Variants in P4HA1 observed in about 807,000 individuals in gnomAD.
P4HA1 encodes the protein prolyl 4-hydroxylase subunit alpha 1, also known as prolyl 4-hydroxylase subunit alpha-1.
In P4HA1, 24 loss-of-function variants were observed where a neutral mutation model predicts 72.8. The ratio of observed to expected loss-of-function variants is 0.33; its 90% confidence interval spans 0.24 to 0.46. P4HA1 has a LOEUF of 0.46. P4HA1 is among the 20% of genes least tolerant of loss of function. The pLI is 1.00. For missense variants in P4HA1, 446 were observed against 640.6 expected (o/e 0.70, Z 3.28); for synonymous variants, 201 against 218.8 (o/e 0.92, Z 0.72).
chr10:73,045,666 A>AT (rs1333076952), intron 8 of P4HA1, among the ~76,000 whole-genome samples: 1 of 151,760 alleles, frequency 6.6e-6, no homozygotes, highest in African/African-American at 2.4e-5. Context: ...AATAATTTCA[A>AT]TTTTTTTTAA....
chr10:73,054,673 C>A (rs1179483425), intron 5 of P4HA1, among the ~76,000 whole-genome samples: 1 of 152,188 alleles, frequency 6.6e-6, no homozygotes, highest in African/African-American at 2.4e-5. Flanking sequence ...GAGGAACTGC[C>A]AAACTGTTTT....
intron 1 of P4HA1, among the ~76,000 whole-genome samples, chr10:73,076,554 A>C (rs184172126): frequency 6.6e-6 from 1 of 152,028 alleles, no homozygotes; most frequent in Non-Finnish European, 1.5e-5. Context: ...AGCAAAGCCC[A>C]TTAGTGTTTT....
In P4HA1 at chr10:73,096,751, G is replaced by A. The variant is rs1842178251; in HGVS notation, c.-33+15C>T. ...CCCAGTGGCCTCAGTCTCCGGGATC[G>A]AGGGAGCGTCTCACCTGGAAAGTGG... On this transcript the variant is annotated intron_variant, in intron 1 of 14. Transcript: ENST00000394890. 6.5e-6 allele frequency: 1 copy of A among 153,364 alleles called. No homozygotes were observed. The highest frequency in any genetic ancestry group is 1.5e-5 in the Non-Finnish European group (1 of 68,196). The allele number at this position is 153,364 out of a possible 1,614,324, so 9.5% of individuals were successfully genotyped here.
At position 73,022,303 on chromosome 10, in the gene P4HA1, A is replaced by C. The variant is rs1029282369; in HGVS notation, c.1249-5404T>G. On this transcript the variant is annotated intron_variant, in intron 10 of 14. Transcript: ENST00000394890. ...GGATGAAGCTTCCAGAGGAAGGATCAGGCAGCAATATTTGCTGTTCTGCAT... is the reference window on the plus strand; with the variant it reads ...GGATGAAGCTTCCAGAGGAAGGATCCGGCAGCAATATTTGCTGTTCTGCAT... Among the ~76,000 whole-genome samples, 4 of 152,308 alleles carry C rather than the reference A, an allele frequency of 2.6e-5. No homozygotes were observed. The East Asian group carries it at 7.8e-4, about 30-fold the overall frequency.
rs869107512 is a variant in P4HA1, at chr10:73,037,525, CTATATATATATATA to C, written c.1149-7169_1149-7156del. On this transcript the variant is annotated intron_variant, in intron 9 of 14. Coordinates refer to ENST00000394890, the MANE Select transcript of P4HA1 (RefSeq NM_001017962.3). ...TCTATGATTAGCTAATCGAAAACCA[CTATATATATATATA>C]TATATATATATATATATATATATAT... Among the ~76,000 whole-genome samples the C allele has an allele frequency of 1.1e-3, 38 of 34,304 alleles. 2 individuals carry two copies. The highest frequency in any genetic ancestry group is 4.9e-3 in the South Asian group (3 of 618). The allele number at this position is 34,304 out of a possible 152,430, so 22.5% of individuals were successfully genotyped here.
chr10:73,086,517 T>C (rs1040931677), intron 1 of P4HA1, among the ~76,000 whole-genome samples: 1 of 152,190 alleles, frequency 6.6e-6, no homozygotes, highest in Non-Finnish European at 1.5e-5. Context: ...TATAAATGTT[T>C]TAAAATTGAT....
intron 1 of P4HA1, among the ~76,000 whole-genome samples, chr10:73,096,194 G>A (rs780335480): frequency 1.1e-4 from 16 of 152,158 alleles, no homozygotes; most frequent in Non-Finnish European, 1.9e-4. Flanking sequence ...GCACCGCTGC[G>A]CGCAACAGAT....
chr10:73,073,673 T>G, intron 3 of P4HA1, 58 bp downstream of exon 3: 4 of 860,420 alleles, frequency 4.6e-6, no homozygotes, highest in Non-Finnish European at 8.0e-6. Flanking sequence ...ATATTTTAGC[T>G]TGAGAAAGAA....
At chr10:73,079,721 G>T (rs192115577) in intron 1 of P4HA1, among the ~76,000 whole-genome samples, 15 of 152,212 alleles carry the variant, frequency 9.9e-5, no homozygotes, top group African/African-American at 3.6e-4. Flanking sequence ...CAGCCTGGGA[G>T]ACAAGAGTGA....
intron 2 of P4HA1, 120 bp downstream of exon 2, chr10:73,074,688 G>A: frequency 3.3e-6 from 2 of 611,898 alleles, no homozygotes; most frequent in South Asian, 2.0e-5. Context: ...CTTTTAGGGG[G>A]CAGGGAATAA....
chr10:73,059,966 A>G (rs1841273726), intron 5 of P4HA1, among the ~76,000 whole-genome samples: 1 of 152,020 alleles, frequency 6.6e-6, no homozygotes, highest in South Asian at 2.1e-4. Flanking sequence ...AATGAAAACA[A>G]TGAATCAAAA....
At chr10:73,075,762 T>C (rs1205626271) in intron 1 of P4HA1, among the ~76,000 whole-genome samples, 3 of 150,982 alleles carry the variant, frequency 2.0e-5, no homozygotes, top group East Asian at 3.9e-4. Flanking sequence ...TGTGTGTGTA[T>C]GTGTGTATGT....
rs187455124 is a variant in P4HA1 at position 73,036,749 on chromosome 10, T to C, written c.1149-6379A>G. On this transcript the variant is annotated intron_variant, in intron 9 of 14. Coordinates refer to ENST00000394890, the MANE Select transcript of P4HA1 (RefSeq NM_001017962.3). ...TTAAGAACTATCTTCAAGTTACTCA[T>C]CTGGATCCCATCCTTAACAATTACT... 2.5e-3 allele frequency among the ~76,000 whole-genome samples: 379 copies of C among 152,298 alleles called. 2 individuals are homozygous for C. The highest frequency in any genetic ancestry group is 8.7e-3 in the African/African-American group (361 of 41,572).
In P4HA1 at chr10:73,044,971, C is replaced by A. The variant is rs757246750; in HGVS notation, c.1148+10G>T. On this transcript the variant is annotated intron_variant, in intron 9 of 14. Transcript: ENST00000394890. The stretch of plus-strand genomic sequence containing the variant: ...TAGAGGGCAAAATATGCAGCATACA[C>A]ATCTCTTACCTTTTGCTAATTCTGT... 1.4e-5 allele frequency: 22 copies of A among 1,605,828 alleles called. No homozygotes were observed. Among genetic ancestry groups the A allele is most frequent in the Non-Finnish European group, 1.8e-5 (21 of 1,173,526 alleles).
At chr10:73,020,712 T>TAAA (rs1840114882) in intron 10 of P4HA1, among the ~76,000 whole-genome samples, 1 of 152,176 alleles carries the variant, frequency 6.6e-6, no homozygotes, top group African/African-American at 2.4e-5. Flanking sequence ...ATCAAAAAGT[T>TAAA]AATTTACTAT....
At chr10:73,075,118 T>G (rs774908737) in intron 1 of P4HA1, among the ~76,000 whole-genome samples, 16 of 152,150 alleles carry the variant, frequency 1.1e-4, no homozygotes, top group Non-Finnish European at 4.4e-5. Context: ...CTTTTTTGTG[T>G]TTTTCTCTTT....
chr10:73,076,485 G>A (rs1485900790), intron 1 of P4HA1, among the ~76,000 whole-genome samples: 1 of 150,626 alleles, frequency 6.6e-6, no homozygotes, highest in Admixed American at 6.6e-5. Flanking sequence ...TGTGTTCTAT[G>A]TAAAAAAAAA....
chr10:73,077,765 G>A (rs1174763670), intron 1 of P4HA1, among the ~76,000 whole-genome samples: 2 of 151,386 alleles, frequency 1.3e-5, no homozygotes, highest in African/African-American at 4.9e-5. Flanking sequence ...AGGATCACTT[G>A]AGCTCAGGAG....
At chr10:73,074,473 A>T (rs1221989653) in intron 2 of P4HA1, among the ~76,000 whole-genome samples, 1 of 152,114 alleles carries the variant, frequency 6.6e-6, no homozygotes, top group South Asian at 2.1e-4. Flanking sequence ...ATAATGATAA[A>T]ATATTTTTTA....
Sources: gnomAD v4.1 joint callset for allele counts (sites outside exome capture counted in the v4.1 genomes callset) on GRCh38, gnomAD v4.1.1 for gene constraint, MANE v1.5 for transcripts, NCBI Gene and HGNC (gene_info 2026-07-23, HGNC 2026-07-21) for gene names.